The following RAB2A variants were observed in gnomAD, a reference collection of about 807,000 sequenced individuals.
The protein encoded by RAB2A is RAB2A, member RAS oncogene family.
Under a neutral mutation model 32.5 loss-of-function variants are expected in RAB2A, and 7 were observed. The ratio of observed to expected loss-of-function variants is 0.22; its 90% CI spans 0.12 to 0.40. RAB2A has a LOEUF of 0.40. Among genes scored for constraint, RAB2A ranks in the 10% least tolerant of loss-of-function variants. The pLI is 1.00. For synonymous variants in RAB2A, 79 were observed against 85.2 expected, an observed-to-expected ratio of 0.93 and a Z score of 0.40; for missense variants, 108 against 260.7, an observed-to-expected ratio of 0.41 and a Z score of 4.03.
At chr8:60,560,909 T>C (rs542974875) in intron 2 of RAB2A, among the ~76,000 whole-genome samples, 135 of 152,306 alleles carry the variant, frequency 8.9e-4, no homozygotes, top group African/African-American at 3.0e-3. Context: ...AAGAATTGTT[T>C]GGAAAACTGT....
Position 60,579,290 on chromosome 8 carries a change from G to A in RAB2A, c.187-4918G>A, listed in dbSNP as rs529194263. On this transcript the variant is annotated intron_variant, in intron 3 of 7. Transcript: ENST00000262646. ...ACTCCTGACCTCAGGTGATCCATCC[G>A]CCTTGGCCTCCCAAAGTGCTGGGAT... is the stretch of plus-strand genomic sequence containing the variant. Among the ~76,000 whole-genome samples the A allele has an allele frequency of 6.6e-5, 10 of 152,286 alleles. No homozygotes were observed. The South Asian group carries it at 8.3e-4, about 13-fold the overall frequency.
intron 1 of RAB2A, among the ~76,000 whole-genome samples, chr8:60,520,285 A>G (rs893148421): frequency 6.6e-6 from 1 of 152,254 alleles, no homozygotes; most frequent in Non-Finnish European, 1.5e-5. Context: ...TGCAGTTAAA[A>G]TGTAGCTTTA....
At chr8:60,575,819 G>A (rs1015777972) in intron 3 of RAB2A, among the ~76,000 whole-genome samples, 6 of 151,938 alleles carry the variant, frequency 3.9e-5, no homozygotes, top group Non-Finnish European at 7.4e-5. Flanking sequence ...CACCACGCCC[G>A]GCTAATTTTG....
chr8:60,608,193 G>T (rs371575308), intron 6 of RAB2A, among the ~76,000 whole-genome samples: 5 of 152,202 alleles, frequency 3.3e-5, no homozygotes, highest in African/African-American at 1.2e-4. Context: ...GCAAAATAGA[G>T]AATAAGTAAA....
At chr8:60,549,599 A>G (rs1305505406) in intron 1 of RAB2A, among the ~76,000 whole-genome samples, 1 of 151,482 alleles carries the variant, frequency 6.6e-6, no homozygotes, top group African/African-American at 2.4e-5. Context: ...GTGTCTGTCT[A>G]CGTGGAGAGA....
At chr8:60,602,903 G>A (rs997038776) in intron 6 of RAB2A, among the ~76,000 whole-genome samples, 2 of 152,150 alleles carry the variant, frequency 1.3e-5, no homozygotes, top group African/African-American at 4.8e-5. Context: ...TGGGAGAGGC[G>A]GTTTAGCACA....
At chr8:60,570,934 G>T (rs1808189046) in intron 2 of RAB2A, among the ~76,000 whole-genome samples, 1 of 152,154 alleles carries the variant, frequency 6.6e-6, no homozygotes, top group Admixed American at 6.5e-5. Flanking sequence ...TTTCTGACAG[G>T]ATGACATTTG....
chr8:60,584,342 A>G, intron 4 of RAB2A, 52 bp downstream of exon 4: 1 of 1,426,272 alleles, frequency 7.0e-7, no homozygotes, highest in Non-Finnish European at 9.9e-7. Context: ...GAATTTTTCT[A>G]AATAGATGTG....
At chr8:60,615,322 A>G (rs1804430914) in intron 6 of RAB2A, among the ~76,000 whole-genome samples, 1 of 152,226 alleles carries the variant, frequency 6.6e-6, no homozygotes, top group South Asian at 2.1e-4. Flanking sequence ...ACATCTATAG[A>G]TAAGGTATTT....
At chr8:60,605,513 C>CA (rs2150434552) in intron 6 of RAB2A, among the ~76,000 whole-genome samples, 1 of 152,310 alleles carries the variant, frequency 6.6e-6, no homozygotes, top group African/African-American at 2.4e-5. Flanking sequence ...CACAGGCACT[C>CA]AGTGCCAGCC....
intron 4 of RAB2A, 115 bp downstream of exon 4, chr8:60,584,405 T>A: frequency 3.6e-6 from 3 of 828,712 alleles, no homozygotes; most frequent in Non-Finnish European, 5.8e-6. Flanking sequence ...TACTCACCTT[T>A]AAAACTGCAT....
rs142639997 is a variant in RAB2A at position 60,525,137 on chromosome 8, C to G, written c.46+7884C>G. On this transcript the variant is annotated intron_variant, in intron 1 of 7. Coordinates refer to ENST00000262646, the MANE Select transcript of RAB2A (RefSeq NM_002865.3). Reference sequence around the variant, plus strand: ...TGATCTGGTTTGGCTCTGTGTCCCACTCGAATCTCATCTCAAATTTTAATT... The same window carrying G: ...TGATCTGGTTTGGCTCTGTGTCCCAGTCGAATCTCATCTCAAATTTTAATT... Among the ~76,000 whole-genome samples the G allele has an allele frequency of 1.3e-4, 20 of 152,242 alleles. No homozygotes were observed. In the East Asian group the frequency reaches 3.9e-3, roughly 29 times the overall value.
At chr8:60,614,689 C>T (rs1164282076) in intron 6 of RAB2A, among the ~76,000 whole-genome samples, 1 of 152,172 alleles carries the variant, frequency 6.6e-6, no homozygotes, top group Non-Finnish European at 1.5e-5. Context: ...ACTGTGCAAT[C>T]GAAGTCCCTG....
chr8:60,613,197 G>A (rs1384993069), intron 6 of RAB2A, among the ~76,000 whole-genome samples: 1 of 152,126 alleles, frequency 6.6e-6, no homozygotes, highest in Non-Finnish European at 1.5e-5. Flanking sequence ...TGACTATAGA[G>A]CATTGATCAC....
intron 2 of RAB2A, among the ~76,000 whole-genome samples, chr8:60,567,761 A>T (rs982148327): frequency 6.7e-6 from 1 of 149,254 alleles, no homozygotes; most frequent in Non-Finnish European, 1.5e-5. Context: ...TTGTAAGTAA[A>T]TTTTTTTCAT....
Position 60,517,164 on chromosome 8 carries a change from G to C in RAB2A, c.-44G>C. ...GTTGGGGCGCGGAGGAGGAGCAGCA[G>C]CGGGAGGAGGAGCCGTGTGCCCTGG... On this transcript the variant is annotated 5_prime_UTR_variant, in exon 1 of 8. Coordinates refer to ENST00000262646, the MANE Select transcript of RAB2A (RefSeq NM_002865.3). 6.8e-7 allele frequency: 1 copy of C among 1,472,090 alleles called. No homozygotes were observed. The highest frequency in any genetic ancestry group is 9.0e-7 in the Non-Finnish European group (1 of 1,108,488). 91.2% of individuals were successfully genotyped at this position (1,472,090 alleles called of 1,614,324 possible).
intron 2 of RAB2A, among the ~76,000 whole-genome samples, chr8:60,566,153 T>G (rs1808109948): frequency 6.6e-6 from 1 of 152,232 alleles, no homozygotes; most frequent in Admixed American, 6.5e-5. Flanking sequence ...GTATGTTTGG[T>G]GTGTGTTAGT....
chr8:60,573,962 T>C (rs1205689098), intron 3 of RAB2A, among the ~76,000 whole-genome samples: 5 of 152,264 alleles, frequency 3.3e-5, no homozygotes. Flanking sequence ...TACTGTCTCT[T>C]ATTCAGAACT....
intron 1 of RAB2A, among the ~76,000 whole-genome samples, chr8:60,546,531 A>G (rs1329031738): frequency 6.6e-6 from 1 of 152,216 alleles, no homozygotes; most frequent in African/African-American, 2.4e-5. Flanking sequence ...GCATTAAAGA[A>G]AGGATAAACT....
Sources: allele counts gnomAD v4.1 joint callset (sites outside exome capture counted in the v4.1 genomes callset), GRCh38; gene constraint gnomAD v4.1.1; transcripts MANE v1.5; gene names NCBI Gene and HGNC (gene_info 2026-07-23, HGNC 2026-07-21).